TENM3: variants seen among roughly 807,000 people sequenced by gnomAD.
The protein encoded by TENM3 is teneurin-3.
A neutral mutation model predicts 255.1 loss-of-function variants in TENM3; 63 were observed. That is an observed-to-expected ratio of 0.25 (90% CI 0.20 to 0.30). TENM3 has a LOEUF of 0.30. Ranked by LOEUF, TENM3 falls within the 10% of genes least tolerant of loss-of-function variation. The pLI is 1.00. For synonymous variants in TENM3, 1,306 were observed against 1,322.3 expected (o/e 0.99, Z 0.27); for missense variants, 2,929 against 3,461.1 (o/e 0.85, Z 3.86).
At chr4:182,059,745 CAAAA>C in the TENM3 span, among the ~76,000 whole-genome samples, 78 of 43,192 alleles carry the variant, frequency 1.8e-3, 1 homozygote, top group African/African-American at 7.4e-3. Context: ...TCTGTCTCTA[CAAAA>C]AAAAAAAAAA....
rs186174722 is a variant in TENM3, at chr4:182,570,675, A to G, written c.512-30249A>G. Reference sequence around the variant, plus strand: ...CCATCCTGGCTCATCTCTACTAAAAATACAAAAAATTAGCCAGGCGTCATG... The same window carrying G: ...CCATCCTGGCTCATCTCTACTAAAAGTACAAAAAATTAGCCAGGCGTCATG... On this transcript the variant is annotated intron_variant, in intron 3 of 27. Transcript: ENST00000511685. 3.3e-5 allele frequency among the ~76,000 whole-genome samples: 5 copies of G among 152,238 alleles called. No individual in the cohort carries two copies. In the East Asian group the frequency reaches 9.7e-4, roughly 29 times the overall value.
chr4:181,856,568 T>C, the TENM3 span, among the ~76,000 whole-genome samples: 3 of 152,226 alleles, frequency 2.0e-5, no homozygotes, highest in Non-Finnish European at 2.9e-5. Context: ...TGCCCGTGCC[T>C]TATGCACTGG....
chr4:182,111,966 T>C, the TENM3 span, among the ~76,000 whole-genome samples: 3 of 152,172 alleles, frequency 2.0e-5, no homozygotes, highest in Non-Finnish European at 4.4e-5. Context: ...ATCCATGGTA[T>C]ACACTCTTCT....
intron 3 of TENM3, among the ~76,000 whole-genome samples, chr4:182,475,514 T>C (rs976311054): frequency 1.3e-5 from 2 of 152,158 alleles, no homozygotes; most frequent in East Asian, 3.8e-4. Context: ...GGGTGTGTTT[T>C]TATATGCCTA....
intron 3 of TENM3, among the ~76,000 whole-genome samples, chr4:182,590,945 G>A (rs1015536580): frequency 2.6e-5 from 4 of 151,952 alleles, no homozygotes; most frequent in African/African-American, 9.7e-5. Flanking sequence ...TGCACTTTAC[G>A]TTTTTTCTCT....
chr4:182,048,197 CATG>C, the TENM3 span, among the ~76,000 whole-genome samples: 1 of 152,104 alleles, frequency 6.6e-6, no homozygotes, highest in African/African-American at 2.4e-5. Context: ...CCAGAGTTCA[CATG>C]ATGATGGATA....
At chr4:182,167,153 C>G (rs964038409) in intron 1 of TENM3, among the ~76,000 whole-genome samples, 1 of 152,136 alleles carries the variant, frequency 6.6e-6, no homozygotes, top group Admixed American at 6.5e-5. Context: ...TGCTGGTGCT[C>G]AAGCTAACTG....
chr4:182,521,753 A>G (rs1355093675), intron 3 of TENM3, among the ~76,000 whole-genome samples: 1 of 152,230 alleles, frequency 6.6e-6, no homozygotes, highest in Non-Finnish European at 1.5e-5. Flanking sequence ...ATATTTTTAA[A>G]AAATTTCAGC....
chr4:181,765,338 T>C, the TENM3 span, among the ~76,000 whole-genome samples: 22,656 of 152,132 alleles, frequency 0.15, 1,873 homozygotes, highest in South Asian at 0.23. Flanking sequence ...TTGAGTGTGA[T>C]AATGGAAAAA....
At chr4:182,313,754 C>G (rs1381814664) in intron 1 of TENM3, among the ~76,000 whole-genome samples, 1 of 152,146 alleles carries the variant, frequency 6.6e-6, no homozygotes, top group Non-Finnish European at 1.5e-5. Context: ...AGAGTTTCCT[C>G]TTCACTCAGC....
chr4:181,631,657 T>G, the TENM3 span, among the ~76,000 whole-genome samples: 1 of 152,148 alleles, frequency 6.6e-6, no homozygotes, highest in Non-Finnish European at 1.5e-5. Flanking sequence ...TTCTTTTTTA[T>G]CAATTCAAAG....
chr4:181,797,575 C>T, the TENM3 span, among the ~76,000 whole-genome samples: 18 of 152,188 alleles, frequency 1.2e-4, no homozygotes, highest in Non-Finnish European at 2.2e-4. Context: ...GTCTATAAGC[C>T]GTGACTTTGT....
At chr4:181,946,600 G>C in the TENM3 span, among the ~76,000 whole-genome samples, 2,097 of 152,248 alleles carry the variant, frequency 0.014, 45 homozygotes, top group African/African-American at 0.048. Context: ...CAAGGCCAAA[G>C]ACCATGGCCA....
intron 3 of TENM3, among the ~76,000 whole-genome samples, chr4:182,364,204 C>G (rs1321338404): frequency 6.6e-6 from 1 of 151,926 alleles, no homozygotes; most frequent in East Asian, 2.0e-4. Flanking sequence ...ATCAAATGAA[C>G]TTAAGAATAA....
In TENM3 at chr4:182,755,177, G is replaced by T; in HGVS notation, c.4810G>T (p.Glu1604Ter). Residue 1604 changes from glutamate (E) to a stop codon, truncating the protein, a stop_gained, in exon 22 of 28, where the codon GAA becomes TAA. Transcript: ENST00000511685. LOFTEE classifies it high-confidence loss of function. The part of the protein sequence containing the change: ...CLKSMTAQGL[E>*]LVLFTYHGNS... The stretch of plus-strand genomic sequence containing the variant: ...GAAAAGCATGACTGCTCAAGGACTG[G>T]AATTAGTTTTGTTTACTTACCATGG... The T allele has an allele frequency of 6.2e-7, 1 of 1,613,620 alleles. No homozygotes were observed. Among genetic ancestry groups the T allele is most frequent in the South Asian group, 1.1e-5 (1 of 91,072 alleles).
intron 3 of TENM3, among the ~76,000 whole-genome samples, chr4:182,510,789 T>TTATAATGTTATAA (rs1560850198): frequency 6.6e-6 from 1 of 152,214 alleles, no homozygotes; most frequent in Non-Finnish European, 1.5e-5. Context: ...TTATTATATA[T>TTATAATGTTATAA]TCTATCTTCT....
chr4:182,562,985 C>A (rs1391443386), intron 3 of TENM3, among the ~76,000 whole-genome samples: 2 of 152,172 alleles, frequency 1.3e-5, no homozygotes, highest in African/African-American at 4.8e-5. Flanking sequence ...TCTGCTTTAA[C>A]AACTTTTTTT....
intron 4 of TENM3, among the ~76,000 whole-genome samples, chr4:182,621,652 TAA>T (rs1561015966): frequency 6.1e-5 from 4 of 65,744 alleles, no homozygotes; most frequent in African/African-American, 1.7e-4. Flanking sequence ...ATACATATTA[TAA>T]TATATAATAT....
chr4:182,769,430 A>AC (rs1491585605), intron 22 of TENM3, among the ~76,000 whole-genome samples: 86 of 120,140 alleles, frequency 7.2e-4, no homozygotes, highest in Non-Finnish European at 1.3e-3. Flanking sequence ...CACTGAAATG[A>AC]AAAAAAAAAA....
Sources: allele counts gnomAD v4.1 joint callset (sites outside exome capture counted in the v4.1 genomes callset), GRCh38; gene constraint gnomAD v4.1.1; transcripts MANE v1.5; gene names NCBI Gene and HGNC (gene_info 2026-07-23, HGNC 2026-07-21).